The following THEM6 variants were observed in gnomAD, a reference collection of about 807,000 sequenced individuals.
The protein encoded by THEM6 is protein THEM6.
Under a neutral mutation model 13.7 loss-of-function variants are expected in THEM6, and 10 were observed. The ratio of observed to expected loss-of-function variants is 0.73; its 90% CI spans 0.45 to 1.24. The LOEUF is 1.24. Ranked by LOEUF, THEM6 falls within the 50% of genes most tolerant of loss-of-function variation. THEM6 has a pLI of 0.00. For synonymous variants in THEM6, 161 were observed against 156.0 expected (o/e 1.03, Z -0.24); for missense variants, 317 against 312.6 (o/e 1.01, Z -0.11).
At chr8:142,731,872 G>GCC (rs1815653006) in intron 1 of THEM6, among the ~76,000 whole-genome samples, 1 of 152,060 alleles carries the variant, frequency 6.6e-6, no homozygotes, top group Non-Finnish European at 1.5e-5. Context: ...CTGCAGTCCG[G>GCC]CCCCGGCAGC....
chr8:142,733,416 T>G (rs1815694387), intron 1 of THEM6, among the ~76,000 whole-genome samples: 1 of 152,260 alleles, frequency 6.6e-6, no homozygotes, highest in Non-Finnish European at 1.5e-5. Flanking sequence ...GAAGTTACTA[T>G]TTATTCCTAA....
At chr8:142,733,684 CAT>C (rs1815700579) in intron 1 of THEM6, among the ~76,000 whole-genome samples, 1 of 152,196 alleles carries the variant, frequency 6.6e-6, no homozygotes, top group South Asian at 2.1e-4. Context: ...TCTGTTGAGT[CAT>C]GTGAACCAAA....
intron 1 of THEM6, chr8:142,735,094 TGGGTTCTGGGG>T: frequency 2.0e-6 from 1 of 500,520 alleles, no homozygotes; most frequent in Non-Finnish European, 3.6e-6. Context: ...GGTTTCTGGC[TGGGTTCTGGGG>T]ATGGCCCCTA....
At chr8:142,730,991 C>T (rs1486989229) in intron 1 of THEM6, among the ~76,000 whole-genome samples, 5 of 152,172 alleles carry the variant, frequency 3.3e-5, no homozygotes, top group East Asian at 1.9e-4. Flanking sequence ...GTGATCCGCC[C>T]GCCTCAGCCT....
At chr8:142,727,984 A>G (rs1165327144) in intron 1 of THEM6, 125 bp downstream of exon 1, 1 of 1,125,266 alleles carries the variant, frequency 8.9e-7, no homozygotes, top group African/African-American at 1.6e-5. Context: ...ATACTGCTGG[A>G]GTCCTGCCTC....
chr8:142,733,315 G>A (rs758498779), intron 1 of THEM6, among the ~76,000 whole-genome samples: 8 of 152,244 alleles, frequency 5.3e-5, no homozygotes, highest in Non-Finnish European at 5.9e-5. Flanking sequence ...TGGGAGCTAA[G>A]AACCTAAAGT....
In THEM6 at chr8:142,735,724, T is replaced by C. The variant is rs111736694; in HGVS notation, c.*285T>C. ...CCTGGCCCTACGATGAGGCCACTCA[T>C]GTGGGCCTAGGTAGGGGAGGATGGT... is the stretch of plus-strand genomic sequence containing the variant. On this transcript the variant is annotated 3_prime_UTR_variant, in exon 2 of 2. Coordinates refer to ENST00000336138, the MANE Select transcript of THEM6 (RefSeq NM_016647.3). The C allele has an allele frequency of 1.8e-4, 76 of 421,022 alleles. No homozygotes were observed. The highest frequency in any genetic ancestry group is 1.2e-3 in the African/African-American group (62 of 50,214). 26.1% of individuals were successfully genotyped at this position (421,022 alleles called of 1,614,324 possible).
intron 1 of THEM6, among the ~76,000 whole-genome samples, chr8:142,730,889 C>T (rs1339142509): frequency 2.6e-5 from 4 of 152,008 alleles, no homozygotes; most frequent in African/African-American, 4.8e-5. Context: ...GGACTACAGG[C>T]GCCCGCCACC....
At chr8:142,731,354 A>G (rs1201216635) in intron 1 of THEM6, among the ~76,000 whole-genome samples, 5 of 152,188 alleles carry the variant, frequency 3.3e-5, no homozygotes, top group Admixed American at 2.6e-4. Context: ...ATGTCTCCTT[A>G]TAATCCTGTT....
intron 1 of THEM6, among the ~76,000 whole-genome samples, chr8:142,731,682 C>A (rs782633785): frequency 8.5e-5 from 13 of 152,156 alleles, no homozygotes; most frequent in Non-Finnish European, 1.8e-4. Context: ...CTCTTCATCC[C>A]CTGCTTCCTT....
Position 142,735,515 on chromosome 8 carries a change from T to C in THEM6, c.*76T>C. ...GCCCACAGATGGGCAGTCTCAGCCA[T>C]ACTCTGTTCCAGCTGGAGTAGCCTC... is the stretch of plus-strand genomic sequence containing the variant. On this transcript the variant is annotated 3_prime_UTR_variant, in exon 2 of 2. Transcript: ENST00000336138. 1 of 1,160,936 alleles carries C rather than the reference T, an allele frequency of 8.6e-7. No individual in the cohort carries two copies. Among genetic ancestry groups the C allele is most frequent in the Non-Finnish European group, 1.3e-6 (1 of 799,820 alleles). The allele number at this position is 1,160,936 out of a possible 1,614,324, so 71.9% of individuals were successfully genotyped here.
At chr8:142,730,088 A>G (rs1815609030) in intron 1 of THEM6, among the ~76,000 whole-genome samples, 1 of 152,240 alleles carries the variant, frequency 6.6e-6, no homozygotes, top group African/African-American at 2.4e-5. Flanking sequence ...CAAAGGCGCT[A>G]GTAACAATAA....
intron 1 of THEM6, among the ~76,000 whole-genome samples, chr8:142,734,117 T>C (rs2585134): frequency 0.99 from 150,467 of 152,368 alleles, 74,319 homozygotes; most frequent in East Asian, 1. Flanking sequence ...CACCCTCTTC[T>C]ATCATGGCCT....
chr8:142,732,192 ATATATATATATATATTTT>A (rs1587583361), intron 1 of THEM6, among the ~76,000 whole-genome samples: 1 of 102,772 alleles, frequency 9.7e-6, no homozygotes, highest in East Asian at 2.8e-4. Flanking sequence ...ATATATATAT[ATATATATATATATATTTT>A]AACTACTGGA....
intron 1 of THEM6, among the ~76,000 whole-genome samples, chr8:142,733,842 CATGTAAGATTCACA>C (rs1815704432): frequency 6.6e-6 from 1 of 152,184 alleles, no homozygotes; most frequent in South Asian, 2.1e-4. Flanking sequence ...TCTGTCAGTA[CATGTAAGATTCACA>C]TTGATGCCAT....
At chr8:142,730,530 C>T (rs1554642842) in intron 1 of THEM6, among the ~76,000 whole-genome samples, 3 of 152,208 alleles carry the variant, frequency 2.0e-5, no homozygotes. Flanking sequence ...TGCGGCCCTG[C>T]CTCCTCTTAA....
In THEM6 at chr8:142,728,264, T is replaced by A. The variant is rs1001690054; in HGVS notation, c.513+405T>A. 5.9e-4 allele frequency among the ~76,000 whole-genome samples: 90 copies of A among 152,310 alleles called. 1 individual carries two copies. The highest frequency in any genetic ancestry group is 2.1e-3 in the African/African-American group (89 of 41,560). On this transcript the variant is annotated intron_variant, in intron 1 of 1. Transcript: ENST00000336138. ...TCAGTTAGAAGAGGTTCCTAGGAGT[T>A]CCCGAGGACCTGAGCCCCCCTTTCA...
chr8:142,732,161 A>AACATATATAT lies in THEM6; in HGVS notation c.514-3164_514-3163insCATATATATA, dbSNP rs1217552333. On this transcript the variant is annotated intron_variant, in intron 1 of 1. Transcript: ENST00000336138. ...GTGAAGAGGGGAAAAGGGAGTTTTG[A>AACATATATAT]ATATATATATATATATATATATATA... 2.9e-3 allele frequency among the ~76,000 whole-genome samples: 108 copies of AACATATATAT among 37,206 alleles called. 6 individuals carry two copies. Among genetic ancestry groups the AACATATATAT allele is most frequent in the East Asian group, 7.3e-3 (9 of 1,226 alleles). 24.4% of individuals were successfully genotyped at this position (37,206 alleles called of 152,430 possible). A position where few individuals can be genotyped will look rare whatever the true frequency, so the allele number is the denominator to read the frequency against.
At chr8:142,730,298 A>G (rs1344264334) in intron 1 of THEM6, among the ~76,000 whole-genome samples, 1 of 152,072 alleles carries the variant, frequency 6.6e-6, no homozygotes, top group African/African-American at 2.4e-5. Context: ...AGGCTGGCTC[A>G]AGTTTTTTCT....
Sources: gnomAD v4.1 joint callset for allele counts (sites outside exome capture counted in the v4.1 genomes callset) on GRCh38, gnomAD v4.1.1 for gene constraint, MANE v1.5 for transcripts, NCBI Gene and HGNC (gene_info 2026-07-23, HGNC 2026-07-21) for gene names.